TANGO6: variants seen among roughly 807,000 people sequenced by gnomAD.
The protein encoded by TANGO6 is transport and golgi organization 6 homolog.
In TANGO6, 90 loss-of-function variants were observed where a neutral mutation model predicts 114.2. That is an observed-to-expected ratio of 0.79 (90% CI 0.66 to 0.94). The LOEUF (loss-of-function observed/expected upper bound fraction) is 0.94. Ranked by LOEUF, TANGO6 falls within the 40% of genes least tolerant of loss-of-function variation. The pLI is 0.00. For missense variants in TANGO6, 1,274 were observed against 1,315.3 expected (o/e 0.97, Z 0.49); for synonymous variants, 477 against 509.8 (o/e 0.94, Z 0.87).
At chr16:69,001,452 G>C (rs534664926) in intron 15 of TANGO6, among the ~76,000 whole-genome samples, 32 of 152,198 alleles carry the variant, frequency 2.1e-4, no homozygotes, top group Admixed American at 3.9e-4. Context: ...AAGTATTTAA[G>C]TTTTATTTTT....
At chr16:68,889,087 G>A (rs1476786195) in intron 7 of TANGO6, among the ~76,000 whole-genome samples, 1 of 152,204 alleles carries the variant, frequency 6.6e-6, no homozygotes, top group Non-Finnish European at 1.5e-5. Flanking sequence ...GCCTCCCAAA[G>A]TGCTGGGATT....
At chr16:68,981,824 G>A (rs79700016) in intron 15 of TANGO6, among the ~76,000 whole-genome samples, 4,789 of 152,224 alleles carry the variant, frequency 0.031, 110 homozygotes, top group Non-Finnish European at 0.045. Context: ...GCTCATTGGA[G>A]CATTTTAGAT....
At chr16:68,853,230 A>G (rs1234854045) in intron 1 of TANGO6, among the ~76,000 whole-genome samples, 2 of 151,626 alleles carry the variant, frequency 1.3e-5, no homozygotes, top group Admixed American at 1.3e-4. Context: ...GTGATCTGAG[A>G]TCACACCACT....
At chr16:68,942,918 T>C (rs1022210723) in intron 14 of TANGO6, among the ~76,000 whole-genome samples, 5 of 149,930 alleles carry the variant, frequency 3.3e-5, no homozygotes, top group African/African-American at 1.2e-4. Context: ...TTTTTTTTTT[T>C]TGAGACAGGG....
intron 1 of TANGO6, among the ~76,000 whole-genome samples, chr16:68,847,954 C>T (rs1376043116): frequency 3.4e-5 from 5 of 145,258 alleles, no homozygotes; most frequent in Non-Finnish European, 7.4e-5. Context: ...AAGCTGAGAT[C>T]GTACCACTGC....
chr16:68,903,649 TG>T (rs1171167882), intron 9 of TANGO6, among the ~76,000 whole-genome samples: 1 of 129,282 alleles, frequency 7.7e-6, no homozygotes, highest in Admixed American at 7.9e-5. Flanking sequence ...GGACCAGGCG[TG>T]GTGGCTCACA....
At chr16:69,021,120 C>T (rs946571551) in intron 15 of TANGO6, among the ~76,000 whole-genome samples, 1 of 152,088 alleles carries the variant, frequency 6.6e-6, no homozygotes, top group African/African-American at 2.4e-5. Context: ...GCTCAGAATC[C>T]TCCAAAGGCC....
chr16:68,919,020 T>C, intron 11 of TANGO6, 65 bp from the exon 12 acceptor site: 2 of 1,533,790 alleles, frequency 1.3e-6, no homozygotes, highest in Non-Finnish European at 1.8e-6. Context: ...AGACATAAGA[T>C]GTAAGGAGAA....
At chr16:68,878,434 A>T (rs1322250866) in intron 6 of TANGO6, among the ~76,000 whole-genome samples, 154 bp downstream of exon 6, 1 of 152,182 alleles carries the variant, frequency 6.6e-6, no homozygotes, top group East Asian at 1.9e-4. Flanking sequence ...TACAAGTTTC[A>T]AGAAGAGTAT....
At position 68,913,091 on chromosome 16, in the gene TANGO6, A is replaced by C. The variant is rs907231650; in HGVS notation, c.1992+3689A>C. On this transcript the variant is annotated intron_variant, in intron 11 of 17. Coordinates refer to ENST00000261778, the MANE Select transcript of TANGO6 (RefSeq NM_024562.2). ...TGAGACTCAAAAAAAAAAAAAAAAA[A>C]CAGGGTAATAACAAATGTTGCAAAG... Among the ~76,000 whole-genome samples, 17 of 151,176 alleles carry C rather than the reference A, an allele frequency of 1.1e-4. No homozygotes were observed. In the East Asian group the frequency reaches 1.6e-3, roughly 14 times the overall value.
intron 14 of TANGO6, among the ~76,000 whole-genome samples, chr16:68,933,376 C>T (rs1388147910): frequency 2.0e-5 from 3 of 152,200 alleles, no homozygotes; most frequent in African/African-American, 7.2e-5. Flanking sequence ...GATGGCACCA[C>T]TGCACTCCAT....
rs897505818 is a variant in TANGO6, at chr16:68,927,804, T to C, written c.2364T>C (p.Thr788=). The C allele has an allele frequency of 6.2e-7, 1 of 1,613,852 alleles. No individual in the cohort carries two copies. The highest frequency in any genetic ancestry group is 8.5e-7 in the Non-Finnish European group (1 of 1,179,910). The stretch of plus-strand genomic sequence containing the variant: ...AACAAACCAGTCATGAAAGACCCAC[T>C]GATGTAGCTCATAGCCACCTTGAAC... ...EQQQTSHERP[T]DVAHSHLEQQ... Residue 788 remains threonine (T), a synonymous_variant, in exon 13 of 18, where the codon ACT becomes ACC. Transcript: ENST00000261778.
chr16:69,029,830 G>A (rs926692484), intron 16 of TANGO6, among the ~76,000 whole-genome samples: 10 of 152,246 alleles, frequency 6.6e-5, no homozygotes, highest in South Asian at 2.1e-4. Context: ...AGAACAGGCC[G>A]GGTGTGGTGG....
chr16:68,974,193 T>C (rs1963738546), intron 15 of TANGO6, 25 bp downstream of exon 15: 2 of 1,613,492 alleles, frequency 1.2e-6, no homozygotes, highest in Middle Eastern at 1.7e-4. Context: ...TCCATCCACC[T>C]GGAAAAGGGT....
intron 1 of TANGO6, among the ~76,000 whole-genome samples, chr16:68,855,065 C>T (rs558141088): frequency 2.7e-5 from 4 of 150,760 alleles, no homozygotes; most frequent in East Asian, 2.0e-4. Context: ...AGTCCAATGG[C>T]GTGATCTCAG....
At chr16:68,930,394 C>G (rs1963224526) in intron 14 of TANGO6, 99 bp downstream of exon 14, 1 of 995,540 alleles carries the variant, frequency 1.0e-6, no homozygotes, top group Non-Finnish European at 1.5e-6. Flanking sequence ...CAGGAGACTA[C>G]TGGTCATTTT....
rs556451036 is a variant in TANGO6, at chr16:69,008,753, G to A, written c.2843-14075G>A. ...TGCCTCCCAGGCTCAACCAATTTTCGTGCCTCAGCCTCCAATGTAGCTGGG... is the reference window on the plus strand; with the variant it reads ...TGCCTCCCAGGCTCAACCAATTTTCATGCCTCAGCCTCCAATGTAGCTGGG... On this transcript the variant is annotated intron_variant, in intron 15 of 17. Coordinates refer to ENST00000261778, the MANE Select transcript of TANGO6 (RefSeq NM_024562.2). 2.6e-5 allele frequency among the ~76,000 whole-genome samples: 4 copies of A among 151,628 alleles called. No homozygotes were observed. In the South Asian group the frequency reaches 6.2e-4, roughly 24 times the overall value.
At chr16:68,908,177 A>G (rs1962877318) in intron 10 of TANGO6, among the ~76,000 whole-genome samples, 1 of 152,058 alleles carries the variant, frequency 6.6e-6, no homozygotes, top group Non-Finnish European at 1.5e-5. Context: ...TTCTTCCCCT[A>G]AGTAAAGTGT....
At chr16:68,870,598 C>A (rs1265473753) in intron 4 of TANGO6, among the ~76,000 whole-genome samples, 1 of 152,126 alleles carries the variant, frequency 6.6e-6, no homozygotes, top group African/African-American at 2.4e-5. Flanking sequence ...GTTCCCCCAA[C>A]TTGTGCATGT....
Sources: gnomAD v4.1 joint callset for allele counts (sites outside exome capture counted in the v4.1 genomes callset) on GRCh38, gnomAD v4.1.1 for gene constraint, MANE v1.5 for transcripts, NCBI Gene and HGNC (gene_info 2026-07-23, HGNC 2026-07-21) for gene names.